Variants in ESPL1 observed in about 807,000 individuals in gnomAD.
ESPL1 encodes extra spindle pole bodies like 1, separase, also known as separin.
Under a neutral mutation model 217.2 loss-of-function variants are expected in ESPL1, and 50 were observed. The observed-to-expected ratio is 0.23, with a 90% CI of 0.18 to 0.29. The LOEUF is 0.29. Ranked by LOEUF, ESPL1 falls within the 10% of genes least tolerant of loss-of-function variation. The pLI is 1.00. For synonymous variants in ESPL1, 994 were observed against 1,081.3 expected (o/e 0.92, Z 1.58); for missense variants, 1,834 against 2,603.0 (o/e 0.70, Z 6.43).
rs751729368 is a variant in ESPL1, at chr12:53,281,616, C to G, written c.2609C>G (p.Thr870Ser). Residue 870 changes from threonine (T) to serine (S), a missense_variant, in exon 13 of 31, where the codon ACT becomes AGT. Physicochemically the swap from Thr to Ser is moderately conservative, Grantham distance 58. Around this residue, in one of 5 missense-constraint regions of ESPL1, gnomAD observed 746 missense variants for 1,077.0 expected, o/e 0.69. Coordinates refer to ENST00000257934, the MANE Select transcript of ESPL1 (RefSeq NM_012291.5). Reference sequence around the variant, plus strand: ...CTGCTTCGAAGTCAACTCTACTGGACTCACCAGAAGGTATTTCTCACTTTC... The same window carrying G: ...CTGCTTCGAAGTCAACTCTACTGGAGTCACCAGAAGGTATTTCTCACTTTC... ...CDLLRSQLYWTHQKVTKGVSL... is the reference protein window; with the variant it reads ...CDLLRSQLYWSHQKVTKGVSL... 1 of 1,613,582 alleles carries G rather than the reference C, an allele frequency of 6.2e-7. No individual in the cohort carries two copies. The highest frequency in any genetic ancestry group is 1.7e-5 in the Admixed American group (1 of 59,990).
chr12:53,293,128 T>C lies in ESPL1; in HGVS notation c.6162-145T>C. 4 of 970,390 alleles carry C rather than the reference T, an allele frequency of 4.1e-6. No homozygotes were observed. The South Asian group carries it at 6.2e-5, about 15-fold the overall frequency. The allele number at this position is 970,390 out of a possible 1,614,324, so 60.1% of individuals were successfully genotyped here. A position where few individuals can be genotyped will look rare whatever the true frequency, so the allele number is the denominator to read the frequency against. ...CTGGACCATTAACCCTTAGCTCCCT[T>C]CTGTTCTTCTCTTGTAACCAAGGGC... On this transcript the variant is annotated intron_variant, in intron 30 of 30. Transcript: ENST00000257934. The surrounding 1 kb of genome is among the most constrained non-coding windows in gnomAD (Gnocchi z 4.2).
Position 53,269,983 on chromosome 12 carries a change from G to A in ESPL1, c.1041G>A (p.Leu347=), listed in dbSNP as rs1943640433. The A allele has an allele frequency of 8.1e-6, 13 of 1,614,202 alleles. No individual in the cohort carries two copies. Among genetic ancestry groups the A allele is most frequent in the Non-Finnish European group, 7.6e-6 (9 of 1,180,050 alleles). The change falls in exon 3 of 31, where the codon CTG becomes CTA. Residue 347 remains leucine (L), a synonymous_variant. Transcript: ENST00000257934. This position sits in a 1 kb window ranked among gnomAD's most constrained non-coding sequence, Gnocchi z 6.7. ...GCTGCCAGTTCTTCCTTTCAGGCCT[G>A]GAACGAGGCACCAAGAGGCGCTATA... ...YESCQFFLSG[L]ERGTKRRYRL... is the part of the protein sequence containing the mutation.
intron 25 of ESPL1, among the ~76,000 whole-genome samples, chr12:53,291,207 CAGG>C (rs1220538566): frequency 2.0e-5 from 3 of 151,470 alleles, no homozygotes; most frequent in Admixed American, 2.0e-4. Context: ...GAGGCTGTAG[CAGG>C]AGAATTGCTT....
chr12:53,292,419 G>A lies in ESPL1; in HGVS notation c.5912+26G>A, dbSNP rs774691470. 1.4e-5 allele frequency: 22 copies of A among 1,539,056 alleles called. No homozygotes were observed. The highest frequency in any genetic ancestry group is 3.3e-5 in the Admixed American group (2 of 59,888). On this transcript the variant is annotated intron_variant, in intron 28 of 30. Coordinates refer to ENST00000257934, the MANE Select transcript of ESPL1 (RefSeq NM_012291.5). This position sits in a 1 kb window ranked among gnomAD's most constrained non-coding sequence, Gnocchi z 4.5. ...GTCAGGGGCGCGAAGACAAGAAGACGTGTGGGGAAGGGTAGACAACATACA... is the reference window on the plus strand; with the variant it reads ...GTCAGGGGCGCGAAGACAAGAAGACATGTGGGGAAGGGTAGACAACATACA...
At position 53,293,084 on chromosome 12, in the gene ESPL1, A is replaced by G; in HGVS notation, c.6161+114A>G. 9.0e-7 allele frequency: 1 copy of G among 1,116,876 alleles called. No homozygotes were observed. Among genetic ancestry groups the G allele is most frequent in the Non-Finnish European group, 1.3e-6 (1 of 779,978 alleles). The allele number at this position is 1,116,876 out of a possible 1,614,324, so 69.2% of individuals were successfully genotyped here. On this transcript the variant is annotated intron_variant, in intron 30 of 30. Transcript: ENST00000257934. The surrounding 1 kb of genome is among the most constrained non-coding windows in gnomAD (Gnocchi z 4.2). ...TTGTGCCCCATTTTCCTCCTATCCT[A>G]GTTAGTTCCCTGGCATGCCTGGACC...
chr12:53,290,174 C>T lies in ESPL1; in HGVS notation c.5203C>T (p.Pro1735Ser). 6.2e-7 allele frequency: 1 copy of T among 1,614,132 alleles called. No individual in the cohort carries two copies. The highest frequency in any genetic ancestry group is 1.3e-5 in the African/African-American group (1 of 75,058). ...LLLTRLEKDS[P>S]PVSVQIPTGQ... ...GCTGACCCGGCTGGAAAAGGACAGT[C>T]CCCCAGTCAGTGTGCAGATTCCCAC... Residue 1735 changes from proline to serine, a missense_variant, in exon 23 of 31, where the codon CCC becomes TCC. By Grantham distance (74) the Pro-to-Ser change is moderately conservative. Coordinates refer to ENST00000257934, the MANE Select transcript of ESPL1 (RefSeq NM_012291.5).
rs1023993084 is a variant in ESPL1 at position 53,284,234 on chromosome 12, A to G, written c.3187+67A>G. ...GACACACACTACAGCACATCTTTCT[A>G]TGTAAAGGTTTCGTTGCCTTTTTTT... On this transcript the variant is annotated intron_variant, in intron 17 of 30. Transcript: ENST00000257934. 2.6e-4 allele frequency: 260 copies of G among 988,796 alleles called. 6 individuals are homozygous for G. The South Asian group carries it at 3.4e-3, about 13-fold the overall frequency. 61.3% of individuals were successfully genotyped at this position (988,796 alleles called of 1,614,324 possible).
chr12:53,272,339 G>A (rs917117318), intron 5 of ESPL1, among the ~76,000 whole-genome samples: 2 of 152,120 alleles, frequency 1.3e-5, no homozygotes, highest in Non-Finnish European at 2.9e-5. Context: ...ATGACGGGGG[G>A]CAAGTTACCA....
chr12:53,289,349 A>G, intron 21 of ESPL1, 46 bp downstream of exon 21: 1 of 1,610,888 alleles, frequency 6.2e-7, no homozygotes. Flanking sequence ...CAGACTAGAG[A>G]GAAGGTCCAG....
intron 16 of ESPL1, 26 bp downstream of exon 16, chr12:53,283,564 CA>C: frequency 6.2e-7 from 1 of 1,600,648 alleles, no homozygotes; most frequent in Non-Finnish European, 8.5e-7. Context: ...GAGGATATGG[CA>C]ATGATGGCAC....
chr12:53,289,339 C>T, intron 21 of ESPL1, 36 bp downstream of exon 21: 1 of 1,609,822 alleles, frequency 6.2e-7, no homozygotes, highest in South Asian at 1.1e-5. Context: ...CCTGCTGGGG[C>T]AGACTAGAGA....
At chr12:53,285,395 C>T (rs1235974998) in intron 17 of ESPL1, among the ~76,000 whole-genome samples, 2 of 152,146 alleles carry the variant, frequency 1.3e-5, no homozygotes, top group Non-Finnish European at 2.9e-5. Context: ...GCCATGTGGC[C>T]CCTGAGCTGC....
rs377435563 is a variant in ESPL1, at chr12:53,292,084, A to G, written c.5792A>G (p.Lys1931Arg). The G allele has an allele frequency of 9.9e-6, 16 of 1,612,228 alleles. No homozygotes were observed. The African/African-American group carries it at 1.9e-4, about 19-fold the overall frequency. The change falls in exon 27 of 31, where the codon AAA becomes AGA. Residue 1931 changes from lysine to arginine, a missense_variant. Physicochemically the swap from Lys to Arg is conservative, Grantham distance 26 (BLOSUM62 2). This residue lies in a region of ESPL1 where 295 missense variants were observed against 519.8 expected (regional missense o/e 0.57). Transcript: ENST00000257934. This position sits in a 1 kb window ranked among gnomAD's most constrained non-coding sequence, Gnocchi z 4.5. The part of the protein sequence containing the change: ...FRFLLSYSII[K>R]EYGASPVLSQ... ...TTCCTACTCAGCTACTCCATCATCAAAGAGGTGGGGTTCAGGGCGTAGTGT... is the reference window on the plus strand; with the variant it reads ...TTCCTACTCAGCTACTCCATCATCAGAGAGGTGGGGTTCAGGGCGTAGTGT...
intron 6 of ESPL1, 32 bp downstream of exon 6, chr12:53,272,889 C>T (rs762079724): frequency 1.2e-6 from 2 of 1,610,356 alleles, no homozygotes; most frequent in East Asian, 4.5e-5. Flanking sequence ...AGGAAAGGAG[C>T]TTATGTGGTT....
Position 53,293,022 on chromosome 12 carries a change from A to T in ESPL1, c.6161+52A>T. On this transcript the variant is annotated intron_variant, in intron 30 of 30. Transcript: ENST00000257934. The surrounding 1 kb of genome is among the most constrained non-coding windows in gnomAD (Gnocchi z 4.2). The stretch of plus-strand genomic sequence containing the variant: ...CTAGGGCATTAGGACTCCTGCCCTC[A>T]CCCCAGGTTCTTTCCCAGGTCTGAA... 6.6e-7 allele frequency: 1 copy of T among 1,524,914 alleles called. No homozygotes were observed. The highest frequency in any genetic ancestry group is 9.0e-7 in the Non-Finnish European group (1 of 1,117,174). 94.5% of individuals were successfully genotyped at this position (1,524,914 alleles called of 1,614,324 possible).
rs1235436740 is a variant in ESPL1, at chr12:53,292,504, C to T, written c.5913-70C>T. Reference sequence around the variant, plus strand: ...GCAGCCCACCTTCTATCTAATGATCCCTCTGCTGTCTTTGCCACCTGACCC... The same window carrying T: ...GCAGCCCACCTTCTATCTAATGATCTCTCTGCTGTCTTTGCCACCTGACCC... On this transcript the variant is annotated intron_variant, in intron 28 of 30. Transcript: ENST00000257934. The surrounding 1 kb of genome is among the most constrained non-coding windows in gnomAD (Gnocchi z 4.5). The T allele has an allele frequency of 2.8e-6, 4 of 1,421,914 alleles. No homozygotes were observed. The African/African-American group carries it at 4.2e-5, about 15-fold the overall frequency. The allele number at this position is 1,421,914 out of a possible 1,614,324, so 88.1% of individuals were successfully genotyped here.
intron 7 of ESPL1, among the ~76,000 whole-genome samples, chr12:53,275,521 T>C (rs1359956466): frequency 6.6e-6 from 1 of 152,128 alleles, no homozygotes; most frequent in African/African-American, 2.4e-5. Flanking sequence ...GGGTGGCTTT[T>C]GGTACTCATG....
In ESPL1 at chr12:53,270,048, G is replaced by A. The variant is rs751973196; in HGVS notation, c.1106G>A (p.Gly369Glu). The change falls in exon 3 of 31, where the codon GGG becomes GAG. Residue 369 changes from glycine (G) to glutamate (E), a missense_variant. Transcript: ENST00000257934. ...CTGAGCCTCTTTGCTTTTCTTGGAG[G>A]GTACTGCTCTCTTCTGCAGCAGCTG... is the stretch of plus-strand genomic sequence containing the variant. ...AILSLFAFLG[G>E]YCSLLQQLRD... 6.2e-7 allele frequency: 1 copy of A among 1,613,556 alleles called. No homozygotes were observed. The highest frequency in any genetic ancestry group is 1.1e-5 in the South Asian group (1 of 91,030).
intron 13 of ESPL1, among the ~76,000 whole-genome samples, chr12:53,281,891 G>A (rs1943869228): frequency 6.6e-6 from 1 of 152,194 alleles, no homozygotes; most frequent in Non-Finnish European, 1.5e-5. Flanking sequence ...GTGATCCTGG[G>A]AAGGCATGGG....
Sources: gnomAD v4.1 joint callset for allele counts (sites outside exome capture counted in the v4.1 genomes callset) on GRCh38, gnomAD v4.1.1 for gene constraint, gnomAD v4.1.1 regional missense constraint, Gnocchi (gnomAD v3.1) non-coding constraint, MANE v1.5 for transcripts, NCBI Gene and HGNC (gene_info 2026-07-23, HGNC 2026-07-21) for gene names.